DHX35: variants seen among roughly 807,000 people sequenced by gnomAD.
The protein encoded by DHX35 is DEAH-box helicase 35.
In DHX35, 84 loss-of-function variants were observed where a neutral mutation model predicts 99.6. That is an observed-to-expected ratio of 0.84 (90% confidence interval 0.71 to 1.01). The LOEUF is 1.01. DHX35 is among the 50% of genes least tolerant of loss of function. DHX35 has a pLI of 0.00. For synonymous variants in DHX35, 331 were observed against 316.2 expected (o/e 1.05, Z -0.50); for missense variants, 852 against 888.5 (o/e 0.96, Z 0.52).
chr20:38,984,921 G>A (rs1481752033), intron 4 of DHX35, among the ~76,000 whole-genome samples: 3 of 150,260 alleles, frequency 2.0e-5, no homozygotes, highest in Non-Finnish European at 4.4e-5. Flanking sequence ...ATATGCTTGA[G>A]AATGTTCAGT....
intron 14 of DHX35, 107 bp downstream of exon 14, chr20:39,015,041 G>C (rs2086762035): frequency 9.4e-6 from 12 of 1,276,966 alleles, no homozygotes; most frequent in Non-Finnish European, 1.3e-5. Context: ...AATGGGATTG[G>C]TTCTCCCCAT....
intron 15 of DHX35, 118 bp from the exon 16 acceptor site, chr20:39,021,723 C>T (rs777076593): frequency 1.6e-5 from 16 of 1,002,582 alleles, no homozygotes; most frequent in Non-Finnish European, 2.5e-5. Context: ...AAAAATTAAG[C>T]TCTAGAAAAA....
chr20:38,963,731 G>A (rs888939115), intron 1 of DHX35, among the ~76,000 whole-genome samples: 1 of 152,192 alleles, frequency 6.6e-6, no homozygotes. Context: ...TCCATTGAGG[G>A]TACACTTATT....
At chr20:39,012,293 A>G (rs1397219468) in intron 13 of DHX35, among the ~76,000 whole-genome samples, 2 of 152,196 alleles carry the variant, frequency 1.3e-5, no homozygotes, top group South Asian at 4.1e-4. Context: ...TTGAAAGCTT[A>G]TGAAAAGCCC....
At chr20:38,983,473 C>A (rs965724834) in intron 3 of DHX35, among the ~76,000 whole-genome samples, 1 of 152,146 alleles carries the variant, frequency 6.6e-6, no homozygotes, top group African/African-American at 2.4e-5. Flanking sequence ...GCTGGAATTG[C>A]GCCTTAGTTC....
At chr20:39,035,028 G>T (rs767404359) in intron 21 of DHX35, among the ~76,000 whole-genome samples, 1 of 152,126 alleles carries the variant, frequency 6.6e-6, no homozygotes, top group Non-Finnish European at 1.5e-5. Context: ...CCAAATTGCT[G>T]GGATTACAGG....
chr20:38,972,837 T>C (rs1051190033), intron 3 of DHX35, among the ~76,000 whole-genome samples, 186 bp downstream of exon 3: 2 of 152,328 alleles, frequency 1.3e-5, no homozygotes, highest in Non-Finnish European at 2.9e-5. Context: ...AAAGTAACAG[T>C]TTGTCTTCGA....
At chr20:38,972,763 T>C (rs754222474) in intron 3 of DHX35, 112 bp downstream of exon 3, 24 of 688,306 alleles carry the variant, frequency 3.5e-5, no homozygotes, top group Non-Finnish European at 5.7e-5. Context: ...TTTCAGGAAA[T>C]GTTCACTTCA....
chr20:38,986,185 G>A (rs1260737177), intron 4 of DHX35, among the ~76,000 whole-genome samples: 1 of 125,182 alleles, frequency 8.0e-6, no homozygotes, highest in Non-Finnish European at 1.7e-5. Flanking sequence ...TAGGTGCTCA[G>A]TGATTTTTTT....
chr20:39,004,309 C>T (rs2086576972), intron 11 of DHX35, among the ~76,000 whole-genome samples: 1 of 152,206 alleles, frequency 6.6e-6, no homozygotes, highest in Non-Finnish European at 1.5e-5. Flanking sequence ...TTGTGATCCG[C>T]CCACCTTGGC....
intron 11 of DHX35, 108 bp from the exon 12 acceptor site, chr20:39,006,038 C>A: frequency 7.6e-7 from 1 of 1,314,746 alleles, no homozygotes. Flanking sequence ...AACTGCCTCT[C>A]ACAGATTCTG....
intron 18 of DHX35, among the ~76,000 whole-genome samples, chr20:39,026,261 T>C (rs1480813822): frequency 1.3e-5 from 2 of 152,188 alleles, no homozygotes; most frequent in African/African-American, 2.4e-5. Context: ...CCCCATCTTA[T>C]AGGTGAGAAA....
At chr20:39,026,754 A>T (rs2086964092) in intron 18 of DHX35, among the ~76,000 whole-genome samples, 1 of 152,118 alleles carries the variant, frequency 6.6e-6, no homozygotes, top group South Asian at 2.1e-4. Context: ...TTGATGGGTG[A>T]ATACACTCAC....
rs370820070 is a variant in DHX35 at position 39,025,210 on chromosome 20, C to A, written c.1672-20C>A. On this transcript the variant is annotated intron_variant, in intron 17 of 21. Transcript: ENST00000252011. ...GAACATATCTGTTTTCTAACTCCCTCTCTCTGGGTTGTTCTGTAGCACAAT... is the reference window on the plus strand; with the variant it reads ...GAACATATCTGTTTTCTAACTCCCTATCTCTGGGTTGTTCTGTAGCACAAT... The A allele has an allele frequency of 1.3e-6, 2 of 1,598,826 alleles. No individual in the cohort carries two copies. Among genetic ancestry groups the A allele is most frequent in the Non-Finnish European group, 1.7e-6 (2 of 1,173,020 alleles).
Position 38,972,575 on chromosome 20 carries a change from T to C in DHX35, c.191T>C (p.Leu64Ser). The change falls in exon 3 of 22, where the codon TTA becomes TCA. Residue 64 changes from leucine to serine, a missense_variant. Physicochemically the swap from Leu to Ser is moderately radical, Grantham distance 145 (BLOSUM62 -2). Transcript: ENST00000252011. ...LPVFKLRNHI[L>S]YLIENYQTVV... The stretch of plus-strand genomic sequence containing the variant: ...CTTTTTCAGCTTAGGAATCATATTT[T>C]ATACTTGATAGAAAATTATCAGACA... 2 of 1,610,690 alleles carry C rather than the reference T, an allele frequency of 1.2e-6. No individual in the cohort carries two copies. Among genetic ancestry groups the C allele is most frequent in the Non-Finnish European group, 1.7e-6 (2 of 1,177,132 alleles).
chr20:38,972,004 G>GTTTTTTTTTTTTTTT (rs752049458), intron 2 of DHX35, among the ~76,000 whole-genome samples: 3 of 81,044 alleles, frequency 3.7e-5, no homozygotes, highest in Admixed American at 1.6e-4. Context: ...GTTTTGTTTT[G>GTTTTTTTTTTTTTTT]TTTTTTTTTT....
intron 8 of DHX35, among the ~76,000 whole-genome samples, chr20:38,999,318 G>C (rs2086480243): frequency 2.0e-5 from 3 of 151,846 alleles, no homozygotes; most frequent in Non-Finnish European, 1.5e-5. Flanking sequence ...CTACCTCCTT[G>C]TTGGCTTCCT....
chr20:38,991,929 A>AG (rs1473045348), intron 6 of DHX35, among the ~76,000 whole-genome samples: 2 of 152,178 alleles, frequency 1.3e-5, no homozygotes, highest in Non-Finnish European at 2.9e-5. Flanking sequence ...GGTGTTCTCG[A>AG]GGAGAGTGTC....
intron 8 of DHX35, among the ~76,000 whole-genome samples, chr20:38,997,724 T>C (rs1383878159): frequency 6.6e-6 from 1 of 152,038 alleles, no homozygotes; most frequent in African/African-American, 2.4e-5. Flanking sequence ...GGTCCGTGTG[T>C]GAGGGGCCTA....
Sources: gnomAD v4.1 joint callset for allele counts (sites outside exome capture counted in the v4.1 genomes callset) on GRCh38, gnomAD v4.1.1 for gene constraint, MANE v1.5 for transcripts, NCBI Gene and HGNC (gene_info 2026-07-23, HGNC 2026-07-21) for gene names.